The following PPFIA2 variants were observed in gnomAD, a reference collection of about 807,000 sequenced individuals.
PPFIA2 encodes PPFI scaffold protein A2.
Under a neutral mutation model 175.5 loss-of-function variants are expected in PPFIA2, and 46 were observed. The observed-to-expected ratio is 0.26, with a 90% CI of 0.21 to 0.34. PPFIA2 has a LOEUF of 0.34. PPFIA2 is among the 10% of genes least tolerant of loss of function. PPFIA2 has a pLI of 1.00. For synonymous variants in PPFIA2, 568 were observed against 511.4 expected (o/e 1.11, Z -1.49); for missense variants, 1,179 against 1,506.1 (o/e 0.78, Z 3.60).
intron 4 of PPFIA2, among the ~76,000 whole-genome samples, chr12:81,664,856 C>T (rs2069794827): frequency 6.6e-6 from 1 of 151,980 alleles, no homozygotes; most frequent in Non-Finnish European, 1.5e-5. Flanking sequence ...ACTATGCAGC[C>T]ATAAAAAAGG....
At chr12:81,678,551 A>G (rs2073021702) in intron 3 of PPFIA2, among the ~76,000 whole-genome samples, 1 of 151,886 alleles carries the variant, frequency 6.6e-6, no homozygotes, top group African/African-American at 2.4e-5. Context: ...TACCAAGAAA[A>G]TTATTAAATG....
chr12:81,466,246 T>C (rs2055599994), intron 4 of PPFIA2, among the ~76,000 whole-genome samples: 1 of 152,188 alleles, frequency 6.6e-6, no homozygotes, highest in Admixed American at 6.6e-5. Flanking sequence ...ATCTATATTC[T>C]AATTAGAAAG....
chr12:81,689,569 A>G (rs2074967249), intron 3 of PPFIA2, among the ~76,000 whole-genome samples: 1 of 152,086 alleles, frequency 6.6e-6, no homozygotes, highest in African/African-American at 2.4e-5. Flanking sequence ...AGCACAGCAT[A>G]GAGCTGGAGA....
intron 4 of PPFIA2, among the ~76,000 whole-genome samples, chr12:81,618,253 CTG>C (rs71669706): frequency 0.3 from 44,081 of 148,400 alleles, 7,986 homozygotes; most frequent in African/African-American, 0.53. Context: ...ATGTGTAAAT[CTG>C]TGTGTGTGTG....
chr12:81,370,280 T>C (rs2034728362), intron 11 of PPFIA2, among the ~76,000 whole-genome samples: 1 of 151,710 alleles, frequency 6.6e-6, no homozygotes, highest in African/African-American at 2.4e-5. Flanking sequence ...AAGATTGAGT[T>C]TCCTCAGCAA....
At chr12:81,433,808 A>C (rs1320962011) in intron 7 of PPFIA2, among the ~76,000 whole-genome samples, 1 of 152,200 alleles carries the variant, frequency 6.6e-6, no homozygotes, top group Non-Finnish European at 1.5e-5. Context: ...GATGAAGTCT[A>C]TTTCTCAGTA....
intron 17 of PPFIA2, among the ~76,000 whole-genome samples, chr12:81,351,500 A>T (rs2059991291): frequency 6.6e-6 from 1 of 151,668 alleles, no homozygotes; most frequent in South Asian, 2.1e-4. Context: ...ATCATAAAAA[A>T]CTCTATAAGA....
At chr12:81,539,235 T>C (rs1020941796) in intron 4 of PPFIA2, among the ~76,000 whole-genome samples, 6 of 151,712 alleles carry the variant, frequency 4.0e-5, no homozygotes, top group South Asian at 2.1e-4. Flanking sequence ...AATGGAGAGG[T>C]TGGGTAGACA....
intron 8 of PPFIA2, among the ~76,000 whole-genome samples, chr12:81,398,994 G>C (rs1162845210): frequency 6.6e-6 from 1 of 151,896 alleles, no homozygotes; most frequent in Non-Finnish European, 1.5e-5. Flanking sequence ...CTAAATTTCT[G>C]GGGAGCTTGT....
At chr12:81,341,322 C>A in intron 19 of PPFIA2, 114 bp from the exon 20 acceptor site, 3 of 1,051,792 alleles carry the variant, frequency 2.9e-6, no homozygotes, top group Non-Finnish European at 2.7e-6. Flanking sequence ...CAAAATAAAA[C>A]AACAAAACTT....
chr12:81,699,447 T>C (rs2076254941), intron 3 of PPFIA2, among the ~76,000 whole-genome samples: 1 of 151,818 alleles, frequency 6.6e-6, no homozygotes, highest in South Asian at 2.1e-4. Flanking sequence ...AAATTTTATG[T>C]AACCAAAATT....
At chr12:81,370,835 G>T (rs2141535858) in intron 11 of PPFIA2, among the ~76,000 whole-genome samples, 1 of 151,926 alleles carries the variant, frequency 6.6e-6, no homozygotes, top group Non-Finnish European at 1.5e-5. Context: ...TACATTTAAA[G>T]GACTCTATGT....
rs1398939377 is a variant in PPFIA2 at position 81,379,854 on chromosome 12, G to A, written c.985-3912C>T. The stretch of plus-strand genomic sequence containing the variant: ...AAATTAGATTGGTGCAAAAGTAATT[G>A]CAGTTTTTGCTATTCAAAGTAATAG... On this transcript the variant is annotated intron_variant, in intron 9 of 32. Transcript: ENST00000549396. 3.3e-5 allele frequency among the ~76,000 whole-genome samples: 5 copies of A among 152,210 alleles called. No individual in the cohort carries two copies. In the East Asian group the frequency reaches 7.7e-4, roughly 24 times the overall value.
At chr12:81,428,556 G>T (rs1243371734) in intron 7 of PPFIA2, among the ~76,000 whole-genome samples, 1 of 151,590 alleles carries the variant, frequency 6.6e-6, no homozygotes, top group Non-Finnish European at 1.5e-5. Context: ...ATAATAACTT[G>T]GACAATTTAC....
At chr12:81,295,659 A>G (rs989489734) in intron 23 of PPFIA2, among the ~76,000 whole-genome samples, 2 of 152,182 alleles carry the variant, frequency 1.3e-5, no homozygotes, top group Non-Finnish European at 2.9e-5. Flanking sequence ...TCATTGAAAA[A>G]CTAAAGAAAG....
chr12:81,656,969 C>G (rs925299348), intron 4 of PPFIA2, among the ~76,000 whole-genome samples: 3 of 152,028 alleles, frequency 2.0e-5, no homozygotes, highest in Admixed American at 1.3e-4. Flanking sequence ...AGAATCTCAA[C>G]TTTAATTTAT....
chr12:81,354,007 A>G (rs2060467290), intron 16 of PPFIA2, among the ~76,000 whole-genome samples: 2 of 152,194 alleles, frequency 1.3e-5, no homozygotes, highest in African/African-American at 4.8e-5. Flanking sequence ...TGTCTAAAAA[A>G]TGAACATACC....
intron 3 of PPFIA2, among the ~76,000 whole-genome samples, chr12:81,724,108 A>ATT (rs1302685771): frequency 2.0e-5 from 3 of 150,844 alleles, no homozygotes; most frequent in African/African-American, 7.3e-5. Context: ...TCTATCTCTA[A>ATT]ATGTGAATAA....
At chr12:81,566,324 C>T (rs555532298) in intron 4 of PPFIA2, among the ~76,000 whole-genome samples, 13 of 152,036 alleles carry the variant, frequency 8.6e-5, no homozygotes, top group African/African-American at 3.1e-4. Flanking sequence ...GAGATCGAGA[C>T]CATCCTGGCC....
Sources: allele counts gnomAD v4.1 joint callset (sites outside exome capture counted in the v4.1 genomes callset), GRCh38; gene constraint gnomAD v4.1.1; transcripts MANE v1.5; gene names NCBI Gene and HGNC (gene_info 2026-07-23, HGNC 2026-07-21).